RYR3: variants seen among roughly 807,000 people sequenced by gnomAD.
RYR3 encodes ryanodine receptor 3.
A neutral mutation model predicts 584.3 loss-of-function variants in RYR3; 207 were observed. The ratio of observed to expected loss-of-function variants is 0.35; its 90% CI spans 0.32 to 0.40. RYR3 has a LOEUF of 0.40. RYR3 is among the 10% of genes least tolerant of loss of function. The pLI, the probability that RYR3 is intolerant of heterozygous loss-of-function variation, is 1.00. For missense variants in RYR3, 5,616 were observed against 6,089.2 expected (o/e 0.92, Z 2.59); for synonymous variants, 2,416 against 2,248.5 (o/e 1.07, Z -2.11).
intron 12 of RYR3, among the ~76,000 whole-genome samples, chr15:33,569,319 G>T (rs1231733457): frequency 6.6e-6 from 1 of 151,974 alleles, no homozygotes; most frequent in Non-Finnish European, 1.5e-5. Flanking sequence ...GCCATTTTTA[G>T]TTTCAGTGTC....
intron 2 of RYR3, among the ~76,000 whole-genome samples, chr15:33,486,238 G>C (rs2050409205): frequency 6.6e-6 from 1 of 152,224 alleles, no homozygotes; most frequent in Non-Finnish European, 1.5e-5. Context: ...CTGGAGGCTA[G>C]AATTGGAAAT....
intron 88 of RYR3, 74 bp downstream of exon 88, chr15:33,837,061 G>A: frequency 8.3e-7 from 1 of 1,211,878 alleles, no homozygotes; most frequent in Non-Finnish European, 1.2e-6. Flanking sequence ...TGATCATGCA[G>A]ATTATCCTTC....
At position 33,636,495 on chromosome 15, in the gene RYR3, G is replaced by A. The variant is rs371418789; in HGVS notation, c.3501G>A (p.Leu1167=). Residue 1167 remains leucine (L), a synonymous_variant, in exon 27 of 104, where the codon CTG becomes CTA. Transcript: ENST00000634891. ...ASMIFTLNGE[L]LITNKGSELA... The stretch of plus-strand genomic sequence containing the variant: ...TGATCTTCACACTGAATGGGGAGCT[G>A]CTGATCACCAACAAAGGCTCTGAAC... 2.5e-6 allele frequency: 4 copies of A among 1,611,970 alleles called. No homozygotes were observed. In the African/African-American group the frequency reaches 5.3e-5, roughly 22 times the overall value.
In RYR3 at chr15:33,473,413, T is replaced by C. The variant is rs1275568976; in HGVS notation, c.52-6T>C. 6.2e-7 allele frequency: 1 copy of C among 1,613,630 alleles called. No homozygotes were observed. Among genetic ancestry groups the C allele is most frequent in the Non-Finnish European group, 8.5e-7 (1 of 1,179,848 alleles). Reference sequence around the variant, plus strand: ...ACTCATGTTTGGGTCTCTCTTCTCCTGGCAGGAGGATGAAGTGGTACTCCA... The same window carrying C: ...ACTCATGTTTGGGTCTCTCTTCTCCCGGCAGGAGGATGAAGTGGTACTCCA... On this transcript the variant is annotated splice_region_variant and splice_polypyrimidine_tract_variant and intron_variant, in intron 1 of 103. Coordinates refer to ENST00000634891, the MANE Select transcript of RYR3 (RefSeq NM_001036.6).
intron 1 of RYR3, among the ~76,000 whole-genome samples, chr15:33,360,470 A>G (rs1415864440): frequency 2.0e-5 from 3 of 152,170 alleles, no homozygotes; most frequent in Admixed American, 1.3e-4. Flanking sequence ...CCTTTTCATT[A>G]CTGAGTACTA....
At chr15:33,686,218 G>A (rs945470656) in intron 38 of RYR3, among the ~76,000 whole-genome samples, 6 of 151,908 alleles carry the variant, frequency 3.9e-5, no homozygotes, top group South Asian at 4.2e-4. Flanking sequence ...TCAAATAGAC[G>A]CAATAAAAAA....
intron 69 of RYR3, 24 bp from the exon 70 acceptor site, chr15:33,807,531 C>T (rs1165690142): frequency 6.4e-7 from 1 of 1,551,596 alleles, no homozygotes; most frequent in East Asian, 2.4e-5. Flanking sequence ...CTCCTTGTTT[C>T]TTTTCTTTTG....
chr15:33,800,981 G>C lies in RYR3; in HGVS notation c.9918+124G>C, dbSNP rs538225212. On this transcript the variant is annotated intron_variant, in intron 68 of 103. Transcript: ENST00000634891. ...AAATGTATTCTGAGCCACATGTGAG[G>C]ACCACGACCCATGACACTGCCTCAG... 9 of 718,024 alleles carry C rather than the reference G, an allele frequency of 1.3e-5. No individual in the cohort carries two copies. The East Asian group carries it at 2.4e-4, about 19-fold the overall frequency. The allele number at this position is 718,024 out of a possible 1,614,324, so 44.5% of individuals were successfully genotyped here. A position where few individuals can be genotyped will look rare whatever the true frequency, so the allele number is the denominator to read the frequency against.
intron 46 of RYR3, 123 bp from the exon 47 acceptor site, chr15:33,728,734 G>A: frequency 1.1e-6 from 1 of 892,556 alleles, no homozygotes; most frequent in Non-Finnish European, 1.6e-6. Flanking sequence ...TGCTCAATCT[G>A]TATTTTTCCA....
In RYR3 at chr15:33,634,640, C is replaced by T. The variant is rs759757575; in HGVS notation, c.3082C>T (p.Arg1028Cys). The T allele has an allele frequency of 6.8e-6, 11 of 1,613,574 alleles. No homozygotes were observed. The highest frequency in any genetic ancestry group is 2.2e-5 in the South Asian group (2 of 91,082). ...RLVPYALLDE[R>C]TKKSNRDSLR... ...GGTGCCATATGCATTACTGGATGAG[C>T]GTACCAAGAAGTCAAACAGGGACAG... Residue 1028 changes from arginine to cysteine, a missense_variant, in exon 25 of 104, where the codon CGT becomes TGT. Coordinates refer to ENST00000634891, the MANE Select transcript of RYR3 (RefSeq NM_001036.6).
At chr15:33,470,166 A>G (rs2048815880) in intron 1 of RYR3, among the ~76,000 whole-genome samples, 1 of 152,192 alleles carries the variant, frequency 6.6e-6, no homozygotes, top group Non-Finnish European at 1.5e-5. Flanking sequence ...TTCTTATCCT[A>G]AAAGACAGAG....
At chr15:33,663,454 C>T (rs989019061) in intron 35 of RYR3, 83 bp from the exon 36 acceptor site, 6 of 1,172,588 alleles carry the variant, frequency 5.1e-6, no homozygotes, top group Middle Eastern at 2.5e-4. Flanking sequence ...GTCTAAGTCT[C>T]AGTGCTACTG....
At chr15:33,833,948 AAAGAT>A (rs953211450) in intron 86 of RYR3, among the ~76,000 whole-genome samples, 33 of 152,306 alleles carry the variant, frequency 2.2e-4, no homozygotes, top group African/African-American at 7.7e-4. Flanking sequence ...ACTGTAAAGA[AAAGAT>A]AAGAAATGTT....
At position 33,503,716 on chromosome 15, in the gene RYR3, CA is replaced by C. The variant is rs1252368416; in HGVS notation, c.258del (p.Gly87ValfsTer25). On this transcript the variant is annotated frameshift_variant, in exon 3 of 104. Transcript: ENST00000634891. LOFTEE classifies it high-confidence loss of function. ...GCCCTGCAGGAAATGCTTGCCAACA[CA>C]GGTGAAAATGGCGGCGAAGGGGTGA... ...VRALQEMLAN[T>X]GENGGEGAAQ... The C allele has an allele frequency of 6.2e-7, 1 of 1,611,952 alleles. No homozygotes were observed. The highest frequency in any genetic ancestry group is 8.5e-7 in the Non-Finnish European group (1 of 1,179,006).
chr15:33,753,201 G>C (rs1313900696), intron 57 of RYR3, among the ~76,000 whole-genome samples: 1 of 152,178 alleles, frequency 6.6e-6, no homozygotes. Flanking sequence ...AGTTTTCATA[G>C]AGTCAGCAGT....
chr15:33,560,385 A>AAC (rs2057336622), intron 10 of RYR3, among the ~76,000 whole-genome samples: 1 of 152,186 alleles, frequency 6.6e-6, no homozygotes, highest in South Asian at 2.1e-4. Context: ...AAGACACAGA[A>AAC]ACACTCCTTT....
intron 14 of RYR3, among the ~76,000 whole-genome samples, chr15:33,582,571 G>A (rs184987279): frequency 9.9e-5 from 15 of 152,208 alleles, no homozygotes; most frequent in East Asian, 7.7e-4. Flanking sequence ...GTGAAATATC[G>A]CTTTTGAACT....
chr15:33,608,760 A>G (rs908113530), intron 18 of RYR3, among the ~76,000 whole-genome samples: 2 of 152,244 alleles, frequency 1.3e-5, no homozygotes, highest in Non-Finnish European at 2.9e-5. Context: ...TTCTTAGCAA[A>G]TGTTCCAAAG....
chr15:33,713,843 G>A (rs1472848351), intron 43 of RYR3, among the ~76,000 whole-genome samples: 1 of 152,084 alleles, frequency 6.6e-6, no homozygotes. Flanking sequence ...CAGCTCTCTG[G>A]GGCCTCTTTT....
Sources: allele counts gnomAD v4.1 joint callset (sites outside exome capture counted in the v4.1 genomes callset), GRCh38; gene constraint gnomAD v4.1.1; transcripts MANE v1.5; gene names NCBI Gene and HGNC (gene_info 2026-07-23, HGNC 2026-07-21).